TMEM132C: variants seen among roughly 807,000 people sequenced by gnomAD.
The protein encoded by TMEM132C is protein phosphatase 1, regulatory subunit 152.
TMEM132C carries 29 observed loss-of-function variants against 61.4 expected under a neutral mutation model. The ratio of observed to expected loss-of-function variants is 0.47; its 90% CI spans 0.35 to 0.64. The LOEUF is 0.64. Among genes scored for constraint, TMEM132C ranks in the 30% least tolerant of loss-of-function variants. The probability of loss-of-function intolerance (pLI) is 0.00; values close to 1 mark genes in which losing one functional copy is unlikely to be tolerated. For synonymous variants in TMEM132C, 656 were observed against 633.1 expected (o/e 1.04, Z -0.54); for missense variants, 1,408 against 1,476.9 (o/e 0.95, Z 0.76).
intron 1 of TMEM132C, among the ~76,000 whole-genome samples, chr12:128,402,766 A>G (rs1155689): frequency 0.093 from 14,146 of 152,270 alleles, 1,516 homozygotes; most frequent in East Asian, 0.27. Flanking sequence ...ATGCAGTTAA[A>G]GCAGCCCATG....
chr12:128,427,932 G>C (rs1869251109), intron 2 of TMEM132C, among the ~76,000 whole-genome samples: 1 of 152,208 alleles, frequency 6.6e-6, no homozygotes, highest in East Asian at 1.9e-4. Context: ...GAATTTGCTA[G>C]AACAAAATAA....
At chr12:128,510,942 G>A (rs769946782) in intron 2 of TMEM132C, among the ~76,000 whole-genome samples, 10 of 152,196 alleles carry the variant, frequency 6.6e-5, no homozygotes, top group African/African-American at 9.6e-5. Flanking sequence ...CGATGTCCAC[G>A]TTGCTTTCCA....
At chr12:128,628,099 C>T (rs1257625960) in intron 4 of TMEM132C, among the ~76,000 whole-genome samples, 1 of 152,136 alleles carries the variant, frequency 6.6e-6, no homozygotes. Flanking sequence ...AGCAGTCTCC[C>T]CCCACCTCAC....
At chr12:128,454,772 AAG>A (rs1280862343) in intron 2 of TMEM132C, among the ~76,000 whole-genome samples, 2 of 152,252 alleles carry the variant, frequency 1.3e-5, no homozygotes, top group Admixed American at 1.3e-4. Context: ...CAGATTCAAG[AAG>A]AGGTTTGTGT....
At chr12:128,542,382 T>G (rs537794008) in intron 2 of TMEM132C, among the ~76,000 whole-genome samples, 2 of 152,278 alleles carry the variant, frequency 1.3e-5, no homozygotes, top group Admixed American at 6.5e-5. Flanking sequence ...CTCAGCTCGC[T>G]GCAACCTCCG....
chr12:128,325,757 C>G (rs995295197), intron 1 of TMEM132C, among the ~76,000 whole-genome samples: 1 of 152,176 alleles, frequency 6.6e-6, no homozygotes, highest in Non-Finnish European at 1.5e-5. Context: ...GGTGCTCCCC[C>G]AGTTGGATCC....
chr12:128,289,655 A>G (rs1458861579), intron 1 of TMEM132C, among the ~76,000 whole-genome samples: 1 of 152,242 alleles, frequency 6.6e-6, no homozygotes, highest in Non-Finnish European at 1.5e-5. Context: ...TAACTTTTAA[A>G]TCAGCATTTT....
chr12:128,300,233 GT>G lies in TMEM132C; in HGVS notation c.85+32747del, dbSNP rs1017077275. On this transcript the variant is annotated intron_variant, in intron 1 of 8. Transcript: ENST00000435159. ...TACTGGCTTTAAAAGAGAAACCGCT[GT>G]GATGAAAGACTGGGAGAAGTCCTCT... 7.9e-5 allele frequency among the ~76,000 whole-genome samples: 12 copies of G among 152,252 alleles called. 1 individual carries two copies. The highest frequency in any genetic ancestry group is 2.2e-4 in the African/African-American group (9 of 41,552).
intron 4 of TMEM132C, among the ~76,000 whole-genome samples, chr12:128,647,683 T>C (rs928565124): frequency 6.6e-6 from 1 of 151,072 alleles, no homozygotes; most frequent in Non-Finnish European, 1.5e-5. Flanking sequence ...TCCATCAGCG[T>C]TGGATGTGAG....
intron 2 of TMEM132C, among the ~76,000 whole-genome samples, chr12:128,515,808 G>A (rs1012774935): frequency 1.8e-4 from 27 of 151,560 alleles, no homozygotes; most frequent in East Asian, 7.8e-4. Flanking sequence ...GCACTCCAGC[G>A]TGGACGACAG....
chr12:128,297,762 C>T (rs1871458009), intron 1 of TMEM132C, among the ~76,000 whole-genome samples: 1 of 152,082 alleles, frequency 6.6e-6, no homozygotes, highest in African/African-American at 2.4e-5. Flanking sequence ...TAAGCAAAAA[C>T]TCTATAATTT....
chr12:128,572,313 T>C (rs1454702407), intron 3 of TMEM132C, among the ~76,000 whole-genome samples: 1 of 146,342 alleles, frequency 6.8e-6, no homozygotes, highest in Admixed American at 6.8e-5. Context: ...GATCTCAGAT[T>C]GGCCAGACCT....
intron 4 of TMEM132C, among the ~76,000 whole-genome samples, chr12:128,654,025 T>C (rs1954299812): frequency 6.6e-6 from 1 of 152,234 alleles, no homozygotes; most frequent in Non-Finnish European, 1.5e-5. Flanking sequence ...ATGTCAAATG[T>C]GGCAATGATT....
In TMEM132C at chr12:128,415,441, C is replaced by T; in HGVS notation, c.795C>T (p.His265=). Residue 265 remains histidine, a synonymous_variant, in exon 2 of 9, where the codon CAC becomes CAT. Coordinates refer to ENST00000435159, the MANE Select transcript of TMEM132C (RefSeq NM_001136103.3). The surrounding 1 kb of genome is among the most constrained non-coding windows in gnomAD (Gnocchi z 5.8). ...ATGGGCTGGAGGAAACCACGTCCCA[C>T]CTGCAGAGGATCGGCACCGTCGGCC... The part of the protein sequence containing the change: ...GKDGLEETTS[H]LQRIGTVGLY... The T allele has an allele frequency of 6.4e-7, 1 of 1,551,660 alleles. No individual in the cohort carries two copies. Among genetic ancestry groups the T allele is most frequent in the Non-Finnish European group, 8.7e-7 (1 of 1,146,950 alleles).
In TMEM132C at chr12:128,326,578, C is replaced by T. The variant is rs1872524637; in HGVS notation, c.85+59091C>T. ...ATATCTAGAATTGGAACAGTAGCCC[C>T]AGGAAAAGAAAATGTGCTTGGAGAC... On this transcript the variant is annotated intron_variant, in intron 1 of 8. Transcript: ENST00000435159. The surrounding 1 kb of genome is among the most constrained non-coding windows in gnomAD (Gnocchi z 5.6). Among the ~76,000 whole-genome samples, 1 of 152,092 alleles carries T rather than the reference C, an allele frequency of 6.6e-6. No homozygotes were observed. The highest frequency in any genetic ancestry group is 6.6e-5 in the Admixed American group (1 of 15,254).
chr12:128,685,150 C>A (rs1394811651), intron 5 of TMEM132C, among the ~76,000 whole-genome samples: 2 of 152,232 alleles, frequency 1.3e-5, no homozygotes, highest in African/African-American at 4.8e-5. Flanking sequence ...TGCCAGTGTC[C>A]TCTGCCTAAA....
chr12:128,595,949 G>A (rs868846152), intron 3 of TMEM132C, among the ~76,000 whole-genome samples: 5 of 152,336 alleles, frequency 3.3e-5, no homozygotes, highest in South Asian at 2.1e-4. Context: ...CCACCATGCC[G>A]TTAAGTCAGG....
At chr12:128,433,809 G>A (rs1869481098) in intron 2 of TMEM132C, among the ~76,000 whole-genome samples, 1 of 152,100 alleles carries the variant, frequency 6.6e-6, no homozygotes, top group African/African-American at 2.4e-5. Context: ...TAGCATGGAA[G>A]GACAGTAGTG....
intron 4 of TMEM132C, among the ~76,000 whole-genome samples, chr12:128,643,096 C>A (rs556316105): frequency 6.6e-6 from 1 of 152,290 alleles, no homozygotes; most frequent in South Asian, 2.1e-4. Context: ...CAGTTCACTT[C>A]CCCTTAATCA....
Sources: allele counts gnomAD v4.1 joint callset (sites outside exome capture counted in the v4.1 genomes callset), GRCh38; gene constraint gnomAD v4.1.1; non-coding constraint Gnocchi (gnomAD v3.1); transcripts MANE v1.5; gene names NCBI Gene and HGNC (gene_info 2026-07-23, HGNC 2026-07-21).